KPNB1: variants seen among roughly 807,000 people sequenced by gnomAD.
KPNB1 encodes the protein karyopherin subunit beta 1.
A neutral mutation model predicts 113.0 loss-of-function variants in KPNB1; 7 were observed. The ratio of observed to expected loss-of-function variants is 0.06; its 90% CI spans 0.04 to 0.12. KPNB1 has a LOEUF of 0.12. Among genes scored for constraint, KPNB1 ranks in the 10% least tolerant of loss-of-function variants. The probability of loss-of-function intolerance (pLI) is 1.00; values close to 1 mark genes in which losing one functional copy is unlikely to be tolerated. For missense variants in KPNB1, 400 were observed against 1,054.8 expected, an observed-to-expected ratio of 0.38 and a Z score of 8.60; for synonymous variants, 363 against 378.6, an observed-to-expected ratio of 0.96 and a Z score of 0.48.
chr17:47,663,191 AT>A lies in KPNB1; in HGVS notation c.786+16del. 3 of 1,295,916 alleles carry A rather than the reference AT, an allele frequency of 2.3e-6. No homozygotes were observed. Among genetic ancestry groups the A allele is most frequent in the Non-Finnish European group, 3.4e-6 (3 of 890,492 alleles). The allele number at this position is 1,295,916 out of a possible 1,614,324, so 80.3% of individuals were successfully genotyped here. On this transcript the variant is annotated intron_variant, in intron 7 of 21. Transcript: ENST00000290158. Reference sequence around the variant, plus strand: ...TGCTCTTTTTGCAGTAAGTATTTCTATTTATGTGATTTGAGCTTGTGGCTAA... The same window carrying A: ...TGCTCTTTTTGCAGTAAGTATTTCTATTATGTGATTTGAGCTTGTGGCTAA...
chr17:47,669,445 C>T (rs2030387003), intron 10 of KPNB1, among the ~76,000 whole-genome samples: 1 of 152,134 alleles, frequency 6.6e-6, no homozygotes, highest in Non-Finnish European at 1.5e-5. Flanking sequence ...TAATTTATTG[C>T]AGACTACTAA....
Position 47,680,575 on chromosome 17 carries a change from T to C in KPNB1, c.2536T>C (p.Leu846=). The C allele has an allele frequency of 6.2e-7, 1 of 1,614,158 alleles. No homozygotes were observed. The highest frequency in any genetic ancestry group is 8.5e-7 in the Non-Finnish European group (1 of 1,179,990). The change falls in exon 21 of 22, where the codon TTG becomes CTG. Residue 846 remains leucine (L), a synonymous_variant. Coordinates refer to ENST00000290158, the MANE Select transcript of KPNB1 (RefSeq NM_002265.6). ...LVEARPMIHE[L]LTEGRRSKTN... is the part of the protein sequence containing the mutation. Reference sequence around the variant, plus strand: ...AGAAGCTAGGCCAATGATCCATGAATTGTTAACTGAAGGGCGGAGATCGAA... The same window carrying C: ...AGAAGCTAGGCCAATGATCCATGAACTGTTAACTGAAGGGCGGAGATCGAA...
chr17:47,652,295 TAACA>T (rs1341468866), intron 2 of KPNB1, among the ~76,000 whole-genome samples: 11 of 152,340 alleles, frequency 7.2e-5, no homozygotes, highest in African/African-American at 2.4e-4. Context: ...GCCATTCATT[TAACA>T]AACATTGAGT....
intron 3 of KPNB1, among the ~76,000 whole-genome samples, chr17:47,654,491 C>T (rs559040805): frequency 9.3e-5 from 14 of 150,718 alleles, no homozygotes; most frequent in African/African-American, 3.4e-4. Flanking sequence ...AAAAAGCTAA[C>T]AGTACCTTGG....
chr17:47,666,659 G>C (rs1034294165), intron 9 of KPNB1, among the ~76,000 whole-genome samples: 1 of 148,166 alleles, frequency 6.7e-6, no homozygotes, highest in African/African-American at 2.5e-5. Context: ...TCACTCTGTT[G>C]CCAGGCTGGA....
chr17:47,650,488 C>T (rs749093275), intron 2 of KPNB1, 44 bp downstream of exon 2: 2 of 1,572,372 alleles, frequency 1.3e-6, no homozygotes, highest in Non-Finnish European at 8.6e-7. Flanking sequence ...GTCCCCATCC[C>T]CTGCGTGCGG....
At position 47,650,441 on chromosome 17, in the gene KPNB1, C is replaced by T; in HGVS notation, c.96C>T (p.Asn32=). ...TCCTGGAGCGTGCGGCCGTGGAGAA[C>T]CTGGTGCGTGCTACCCCGCCGCGCC... ...QKFLERAAVE[N]LPTFLVELSR... The change falls in exon 2 of 22, where the codon AAC becomes AAT. Residue 32 remains asparagine (N), a synonymous_variant. Coordinates refer to ENST00000290158, the MANE Select transcript of KPNB1 (RefSeq NM_002265.6). 1.2e-6 allele frequency: 2 copies of T among 1,601,404 alleles called. No homozygotes were observed. The highest frequency in any genetic ancestry group is 2.3e-5 in the East Asian group (1 of 44,164).
chr17:47,675,010 G>C (rs546146013), intron 15 of KPNB1, among the ~76,000 whole-genome samples: 2 of 152,110 alleles, frequency 1.3e-5, no homozygotes, highest in Admixed American at 1.3e-4. Flanking sequence ...GGTAGAGATG[G>C]AGTTTCGCCA....
chr17:47,651,178 C>G, intron 2 of KPNB1: 1 of 982,654 alleles, frequency 1.0e-6, no homozygotes, highest in Non-Finnish European at 1.2e-6. Flanking sequence ...GAAAGTTCCT[C>G]GTTTTTCATA....
Position 47,650,562 on chromosome 17 carries a change from C to CCCCCCT in KPNB1, c.99+130_99+135dup, listed in dbSNP as rs1354903898. The CCCCCCT allele has an allele frequency of 3.4e-3, 2,435 of 721,964 alleles. 14 individuals carry two copies. Among genetic ancestry groups the CCCCCCT allele is most frequent in the South Asian group, 3.2e-3 (185 of 58,152 alleles). The allele number at this position is 721,964 out of a possible 1,614,324, so 44.7% of individuals were successfully genotyped here. A position where few individuals can be genotyped will look rare whatever the true frequency, so the allele number is the denominator to read the frequency against. ...CTACCCCGCCCCATCCCGTCCCCCT[C>CCCCCCT]CCCCCTCCCCCTCCCCCCCCAACCC... On this transcript the variant is annotated intron_variant, in intron 2 of 21. Transcript: ENST00000290158.
chr17:47,650,812 G>A (rs1410669775), intron 2 of KPNB1, among the ~76,000 whole-genome samples: 1 of 152,178 alleles, frequency 6.6e-6, no homozygotes, highest in Non-Finnish European at 1.5e-5. Flanking sequence ...TAGGGGCCAT[G>A]TGGAAGCTCC....
chr17:47,666,562 A>G (rs555096138), intron 9 of KPNB1, among the ~76,000 whole-genome samples: 8 of 144,300 alleles, frequency 5.5e-5, no homozygotes, highest in African/African-American at 1.8e-4. Flanking sequence ...ATTATGTTAT[A>G]TGTTATATAT....
chr17:47,649,932 C>T lies in KPNB1; in HGVS notation c.-313C>T, dbSNP rs1033168290. On this transcript the variant is annotated 5_prime_UTR_variant, in exon 1 of 22. Coordinates refer to ENST00000290158, the MANE Select transcript of KPNB1 (RefSeq NM_002265.6). ...CCCTCCCTCGCTCCCTCCCTGCGCG[C>T]CGCCTCTCACTCACAGCCTCCCTTC... 1.4e-5 allele frequency: 18 copies of T among 1,283,350 alleles called. No individual in the cohort carries two copies. The highest frequency in any genetic ancestry group is 2.9e-4 in the Middle Eastern group (1 of 3,428). 79.5% of individuals were successfully genotyped at this position (1,283,350 alleles called of 1,614,324 possible).
chr17:47,680,649 G>A lies in KPNB1; in HGVS notation c.2610G>A (p.Arg870=). 1 of 1,614,038 alleles carries A rather than the reference G, an allele frequency of 6.2e-7. No homozygotes were observed. The highest frequency in any genetic ancestry group is 1.3e-5 in the African/African-American group (1 of 75,046). ...CTACATGGGCAACAAAAGAACTGAG[G>A]AAACTGAAGAACCAAGCTTGGTAAG... ...TLATWATKEL[R]KLKNQA Residue 870 remains arginine (R), a synonymous_variant, in exon 21 of 22, where the codon AGG becomes AGA. Coordinates refer to ENST00000290158, the MANE Select transcript of KPNB1 (RefSeq NM_002265.6).
Position 47,665,144 on chromosome 17 carries a change from A to G in KPNB1, c.985A>G (p.Thr329Ala). 6.2e-7 allele frequency: 1 copy of G among 1,613,222 alleles called. No individual in the cohort carries two copies. Among genetic ancestry groups the G allele is most frequent in the South Asian group, 1.1e-5 (1 of 91,072 alleles). ...GTATCTGGTTCCAATCCTCACACAG[A>G]CACTAACTAAACAGGTGAGTTACCT... ...LQYLVPILTQ[T>A]LTKQDENDDD... Residue 329 changes from threonine to alanine, a missense_variant, in exon 9 of 22, where the codon ACA (threonine) becomes GCA (alanine). Transcript: ENST00000290158.
At chr17:47,659,418 G>T (rs1370822069) in intron 5 of KPNB1, among the ~76,000 whole-genome samples, 1 of 152,106 alleles carries the variant, frequency 6.6e-6, no homozygotes, top group Non-Finnish European at 1.5e-5. Context: ...GTTTACTTTG[G>T]TTTCTTTTAA....
At chr17:47,666,392 T>TA (rs2030270133) in intron 9 of KPNB1, among the ~76,000 whole-genome samples, 1 of 55,150 alleles carries the variant, frequency 1.8e-5, no homozygotes, top group African/African-American at 5.2e-5. Flanking sequence ...GTGTCTTTAC[T>TA]TTTGTGTGTG....
At chr17:47,673,242 G>C in intron 13 of KPNB1, 77 bp downstream of exon 13, 1 of 1,376,450 alleles carries the variant, frequency 7.3e-7, no homozygotes, top group Non-Finnish European at 1.0e-6. Context: ...TTTCCAGACT[G>C]TTCTGTCTTT....
rs1046883535 is a variant in KPNB1, at chr17:47,666,838, C to T, written c.1000-1348C>T. The stretch of plus-strand genomic sequence containing the variant: ...TTCACCATGTTGGCCAGGATGATCT[C>T]GATTTTTTGACCTCATGATCCGCCC... On this transcript the variant is annotated intron_variant, in intron 9 of 21. Coordinates refer to ENST00000290158, the MANE Select transcript of KPNB1 (RefSeq NM_002265.6). 5.9e-5 allele frequency among the ~76,000 whole-genome samples: 9 copies of T among 151,548 alleles called. No homozygotes were observed. The South Asian group carries it at 1.0e-3, about 18-fold the overall frequency.
Sources: allele counts gnomAD v4.1 joint callset (sites outside exome capture counted in the v4.1 genomes callset), GRCh38; gene constraint gnomAD v4.1.1; transcripts MANE v1.5; gene names NCBI Gene and HGNC (gene_info 2026-07-23, HGNC 2026-07-21).